UGT1A8: variants seen among roughly 807,000 people sequenced by gnomAD.
The protein encoded by UGT1A8 is UDP-glucuronosyltransferase 1A8.
Under a neutral mutation model 45.3 loss-of-function variants are expected in UGT1A8, and 39 were observed. The observed-to-expected ratio is 0.86, with a 90% CI of 0.67 to 1.12. The LOEUF (loss-of-function observed/expected upper bound fraction) is 1.12. Ranked by LOEUF, UGT1A8 falls within the 50% of genes most tolerant of loss-of-function variation. The pLI is 0.00. For missense variants in UGT1A8, 719 were observed against 664.9 expected, an observed-to-expected ratio of 1.08 and a Z score of -0.90; for synonymous variants, 275 against 249.2, an observed-to-expected ratio of 1.10 and a Z score of -0.97.
intron 1 of UGT1A8, chr2:233,681,866 C>G (rs2074542960): frequency 6.5e-7 from 1 of 1,534,710 alleles, no homozygotes; most frequent in Admixed American, 2.1e-5. Flanking sequence ...CAGGTTCTAT[C>G]TGTACTTCTT....
At chr2:233,743,408 C>T in intron 1 of UGT1A8, 1 of 1,315,376 alleles carries the variant, frequency 7.6e-7, no homozygotes. Flanking sequence ...GAAAGGCCCC[C>T]ACTTCCCAGG....
At chr2:233,671,376 A>G (rs1175892495) in intron 1 of UGT1A8, among the ~76,000 whole-genome samples, 1 of 152,212 alleles carries the variant, frequency 6.6e-6, no homozygotes, top group African/African-American at 2.4e-5. Flanking sequence ...GAGGCTTCTC[A>G]GGGTTTGGAA....
At chr2:233,756,092 A>T (rs1575740943) in intron 1 of UGT1A8, 1 of 152,228 alleles carries the variant, frequency 6.6e-6, no homozygotes, top group Admixed American at 6.5e-5. Flanking sequence ...ATCAAGTAAC[A>T]TTATTACGGA....
intron 1 of UGT1A8, among the ~76,000 whole-genome samples, chr2:233,622,497 T>C (rs1212338353): frequency 6.6e-6 from 1 of 152,236 alleles, no homozygotes; most frequent in Non-Finnish European, 1.5e-5. Flanking sequence ...ATGAGCATTT[T>C]TTCATATGTC....
At position 233,639,175 on chromosome 2, in the gene UGT1A8, G is replaced by C. The variant is rs570711105; in HGVS notation, c.855+20613G>C. Among the ~76,000 whole-genome samples the C allele has an allele frequency of 6.2e-4, 94 of 152,036 alleles. 1 individual carries two copies. The highest frequency in any genetic ancestry group is 2.0e-3 in the African/African-American group (83 of 41,438). On this transcript the variant is annotated intron_variant, in intron 1 of 4. Transcript: ENST00000373450. ...AAAATGAAACATTAAACTATATATG[G>C]TTTCATTTATTTTGATTGTAAATAT...
At position 233,713,711 on chromosome 2, in the gene UGT1A8, G is replaced by C; in HGVS notation, c.856-53323G>C. 1.7e-5 allele frequency: 27 copies of C among 1,613,928 alleles called. No individual in the cohort carries two copies. Among genetic ancestry groups the C allele is most frequent in the Non-Finnish European group, 2.3e-5 (27 of 1,179,878 alleles). ...CAAGCCTTGCCTCTGAGCTTTTTCAGAGAGAGGTGTCAGTGGTGGATCTTG... is the reference window on the plus strand; with the variant it reads ...CAAGCCTTGCCTCTGAGCTTTTTCACAGAGAGGTGTCAGTGGTGGATCTTG... On this transcript the variant is annotated intron_variant, in intron 1 of 4. Coordinates refer to ENST00000373450, the MANE Select transcript of UGT1A8 (RefSeq NM_019076.5).
chr2:233,713,156 C>CCA, intron 1 of UGT1A8: 1 of 1,614,194 alleles, frequency 6.2e-7, no homozygotes, highest in Non-Finnish European at 8.5e-7. Flanking sequence ...ATGCGAGAGG[C>CCA]CACCAGGTGG....
At chr2:233,630,188 G>C (rs1170882209) in intron 1 of UGT1A8, among the ~76,000 whole-genome samples, 2 of 151,950 alleles carry the variant, frequency 1.3e-5, no homozygotes, top group African/African-American at 4.8e-5. Flanking sequence ...CTCCAGGGGA[G>C]GTAGATCACT....
chr2:233,753,174 A>G (rs1695146972), intron 1 of UGT1A8: 2 of 152,226 alleles, frequency 1.3e-5, no homozygotes, highest in South Asian at 4.1e-4. Context: ...ATCACTAAAA[A>G]ATGAACTCAT....
At chr2:233,714,395 G>A (rs2076384323) in intron 1 of UGT1A8, among the ~76,000 whole-genome samples, 1 of 152,148 alleles carries the variant, frequency 6.6e-6, no homozygotes, top group African/African-American at 2.4e-5. Context: ...GGCCAATGTA[G>A]GTGCAATGGA....
rs747062491 is a variant in UGT1A8 at position 233,767,878 on chromosome 2, A to T, written c.1017A>T (p.Pro339=). The change falls in exon 3 of 5, where the codon CCA becomes CCT. Residue 339 remains proline, a synonymous_variant. Coordinates refer to ENST00000373450, the MANE Select transcript of UGT1A8 (RefSeq NM_019076.5). ...TGTGGCGGTACACTGGAACCCGACC[A>T]TCGAATCTTGCGAACAACACGATAC... ...TVLWRYTGTR[P]SNLANNTILV... The T allele has an allele frequency of 2.0e-4, 328 of 1,614,032 alleles. No individual in the cohort carries two copies. Among genetic ancestry groups the T allele is most frequent in the Non-Finnish European group, 2.7e-4 (318 of 1,180,042 alleles).
At chr2:233,695,073 G>T (rs1470813496) in intron 1 of UGT1A8, among the ~76,000 whole-genome samples, 1 of 151,628 alleles carries the variant, frequency 6.6e-6, no homozygotes, top group African/African-American at 2.4e-5. Context: ...TCGCACTTTG[G>T]ACTTACTCAT....
At chr2:233,661,670 T>TC (rs1421040581) in intron 1 of UGT1A8, among the ~76,000 whole-genome samples, 2 of 149,638 alleles carry the variant, frequency 1.3e-5, no homozygotes, top group Non-Finnish European at 3.0e-5. Flanking sequence ...TTTCTTTCTT[T>TC]CTTTCTTTCT....
intron 1 of UGT1A8, among the ~76,000 whole-genome samples, chr2:233,629,870 C>T (rs2073155670): frequency 1.3e-5 from 2 of 152,090 alleles, no homozygotes; most frequent in South Asian, 4.1e-4. Flanking sequence ...GTGTCTTTAA[C>T]AAAATGTGTC....
chr2:233,652,130 A>G (rs1327986178), intron 1 of UGT1A8, among the ~76,000 whole-genome samples: 1 of 152,114 alleles, frequency 6.6e-6, no homozygotes, highest in East Asian at 1.9e-4. Flanking sequence ...AGAACTGGGG[A>G]TGGGAGGTGA....
intron 1 of UGT1A8, among the ~76,000 whole-genome samples, chr2:233,723,539 T>A (rs866604181): frequency 9.1e-6 from 1 of 110,330 alleles, no homozygotes; most frequent in African/African-American, 3.8e-5. Flanking sequence ...TTTTTTTTAA[T>A]TTATTTTTTT....
chr2:233,629,643 A>T (rs977543241), intron 1 of UGT1A8, among the ~76,000 whole-genome samples: 5 of 152,062 alleles, frequency 3.3e-5, no homozygotes, highest in African/African-American at 1.2e-4. Flanking sequence ...TCATAAAATG[A>T]ATTAGGAAAT....
At chr2:233,749,855 C>G (rs1694286489) in intron 1 of UGT1A8, among the ~76,000 whole-genome samples, 1 of 151,986 alleles carries the variant, frequency 6.6e-6, no homozygotes, top group Non-Finnish European at 1.5e-5. Flanking sequence ...GCCTCTCTCT[C>G]ACTTTCTGCC....
At chr2:233,691,269 C>T (rs975477136) in intron 1 of UGT1A8, 1 of 985,424 alleles carries the variant, frequency 1.0e-6, no homozygotes, top group African/African-American at 1.7e-5. Context: ...TGCTGCCGCC[C>T]CCATGACTTT....
Sources: gnomAD v4.1 joint callset for allele counts (sites outside exome capture counted in the v4.1 genomes callset) on GRCh38, gnomAD v4.1.1 for gene constraint, MANE v1.5 for transcripts, NCBI Gene and HGNC (gene_info 2026-07-23, HGNC 2026-07-21) for gene names.